The following SMYD3 variants were observed in gnomAD, a reference collection of about 807,000 sequenced individuals.
The protein encoded by SMYD3 is SET and MYND domain containing 3.
SMYD3 carries 36 observed loss-of-function variants against 57.7 expected under a neutral mutation model. The ratio of observed to expected loss-of-function variants is 0.62; its 90% CI spans 0.48 to 0.82. SMYD3 has a LOEUF of 0.82. SMYD3 is among the 40% of genes least tolerant of loss of function. The pLI is 0.00. For synonymous variants in SMYD3, 211 were observed against 195.0 expected (o/e 1.08, Z -0.68); for missense variants, 515 against 538.8 (o/e 0.96, Z 0.44).
intron 5 of SMYD3, among the ~76,000 whole-genome samples, chr1:246,322,615 A>G (rs895427845): frequency 7.9e-5 from 12 of 152,104 alleles, no homozygotes; most frequent in African/African-American, 2.9e-4. Context: ...TATCCTTTCA[A>G]CACCTTCATT....
chr1:245,763,925 C>T, intron 11 of SMYD3, 116 bp downstream of exon 11: 1 of 718,450 alleles, frequency 1.4e-6, no homozygotes. Flanking sequence ...ACACACTGGG[C>T]ATGCGTGTGT....
chr1:246,368,449 C>T (rs1270079263), intron 1 of SMYD3, among the ~76,000 whole-genome samples: 1 of 152,194 alleles, frequency 6.6e-6, no homozygotes, highest in Non-Finnish European at 1.5e-5. Flanking sequence ...CTGGGACCCA[C>T]AGAATCCACT....
At chr1:245,894,389 C>T (rs2053609279) in intron 8 of SMYD3, among the ~76,000 whole-genome samples, 1 of 152,124 alleles carries the variant, frequency 6.6e-6, no homozygotes, top group Admixed American at 6.5e-5. Context: ...TAAAACCTGG[C>T]CACCCCAACC....
chr1:246,497,736 G>C (rs560803688), intron 1 of SMYD3, among the ~76,000 whole-genome samples: 15 of 152,190 alleles, frequency 9.9e-5, no homozygotes, highest in African/African-American at 3.6e-4. Context: ...GCACGCCTGT[G>C]GTCTCAGCTG....
intron 8 of SMYD3, among the ~76,000 whole-genome samples, chr1:245,895,728 G>A (rs117716280): frequency 1.3e-5 from 2 of 152,334 alleles, no homozygotes; most frequent in South Asian, 2.1e-4. Context: ...GCATAGCCCA[G>A]GTGATGTACA....
intron 1 of SMYD3, among the ~76,000 whole-genome samples, chr1:246,382,159 C>A (rs1194553974): frequency 6.6e-6 from 1 of 151,762 alleles, no homozygotes. Flanking sequence ...CGGGCCAGTT[C>A]CTATAGCCCC....
chr1:245,757,269 T>C (rs1253162541), intron 11 of SMYD3, among the ~76,000 whole-genome samples: 1 of 152,140 alleles, frequency 6.6e-6, no homozygotes, highest in Non-Finnish European at 1.5e-5. Context: ...TATTTCACTT[T>C]GCATAATGCC....
rs150862443 is a variant in SMYD3 at position 246,117,748 on chromosome 1, C to T, written c.532-187811G>A. On this transcript the variant is annotated intron_variant, in intron 5 of 11. Transcript: ENST00000490107. ...TGTGCAGGTTTGTTACGTAGGTAAA[C>T]GTGTGCCATGGTGGTTTGCTGTGCC... Among the ~76,000 whole-genome samples, 1,208 of 152,294 alleles carry T rather than the reference C, an allele frequency of 7.9e-3. 13 individuals carry two copies. The highest frequency in any genetic ancestry group is 0.037 in the South Asian group (178 of 4,824).
At position 246,136,507 on chromosome 1, in the gene SMYD3, C is replaced by T. The variant is rs140956038; in HGVS notation, c.531+190694G>A. On this transcript the variant is annotated intron_variant, in intron 5 of 11. Coordinates refer to ENST00000490107, the MANE Select transcript of SMYD3 (RefSeq NM_001167740.2). ...ACTCTGTAATGGCAAAAGAAAGGTGCAAAAAAATGCAGGATAGAAGCAGGG... is the reference window on the plus strand; with the variant it reads ...ACTCTGTAATGGCAAAAGAAAGGTGTAAAAAAATGCAGGATAGAAGCAGGG... 1.3e-3 allele frequency among the ~76,000 whole-genome samples: 201 copies of T among 151,920 alleles called. 1 individual carries two copies. The highest frequency in any genetic ancestry group is 4.4e-3 in the African/African-American group (182 of 41,438).
rs374702064 is a variant in SMYD3, at chr1:246,307,503, T to C, written c.531+19698A>G. 8.4e-3 allele frequency among the ~76,000 whole-genome samples: 1,174 copies of C among 139,662 alleles called. 13 individuals carry two copies. The highest frequency in any genetic ancestry group is 0.028 in the African/African-American group (1,050 of 37,664). 91.6% of individuals were successfully genotyped at this position (139,662 alleles called of 152,430 possible). On this transcript the variant is annotated intron_variant, in intron 5 of 11. Coordinates refer to ENST00000490107, the MANE Select transcript of SMYD3 (RefSeq NM_001167740.2). ...GGCGTGATCTCGGCTCACTGCAAGC[T>C]CCGCCTCCCGGGTTCACGCCATTCT...
intron 5 of SMYD3, among the ~76,000 whole-genome samples, chr1:246,140,815 G>A (rs1406658726): frequency 6.6e-6 from 1 of 152,024 alleles, no homozygotes; most frequent in Non-Finnish European, 1.5e-5. Flanking sequence ...GGCTGCTCTT[G>A]AACTCCTGGC....
intron 11 of SMYD3, among the ~76,000 whole-genome samples, chr1:245,752,138 C>T (rs1047861073): frequency 2.0e-5 from 3 of 152,234 alleles, no homozygotes; most frequent in Non-Finnish European, 2.9e-5. Context: ...AATTTTCTTA[C>T]TTGAAAGCAC....
chr1:245,829,790 C>T (rs373064708), intron 10 of SMYD3, among the ~76,000 whole-genome samples: 33 of 151,938 alleles, frequency 2.2e-4, no homozygotes, highest in African/African-American at 7.7e-4. Flanking sequence ...TATTACTTGG[C>T]AAAAAAAGAA....
intron 1 of SMYD3, among the ~76,000 whole-genome samples, chr1:246,366,681 C>G (rs563301816): frequency 6.6e-6 from 1 of 151,826 alleles, no homozygotes; most frequent in Non-Finnish European, 1.5e-5. Context: ...CGGTAGCTCA[C>G]GCCTGTAATC....
At chr1:246,268,359 C>A (rs557625515) in intron 5 of SMYD3, among the ~76,000 whole-genome samples, 9 of 152,238 alleles carry the variant, frequency 5.9e-5, no homozygotes, top group African/African-American at 2.2e-4. Context: ...CCTATATGAT[C>A]TAAAAAGGGG....
intron 5 of SMYD3, among the ~76,000 whole-genome samples, chr1:246,173,300 A>G (rs554148700): frequency 1.2e-4 from 18 of 152,248 alleles, no homozygotes; most frequent in African/African-American, 4.3e-4. Flanking sequence ...TCAACACTAC[A>G]CACTTAGGCT....
At chr1:246,431,904 T>C (rs931321200) in intron 1 of SMYD3, among the ~76,000 whole-genome samples, 3 of 152,218 alleles carry the variant, frequency 2.0e-5, no homozygotes, top group African/African-American at 7.2e-5. Flanking sequence ...GAAAGAGCCA[T>C]GAAAAAACTC....
rs11433640 is a variant in SMYD3, at chr1:246,202,013, TA to T, written c.531+125187del. Reference sequence around the variant, plus strand: ...GGGCAACAGAGACTCTGTCTCAATTTAAAAAAAAAAAACAAAAAAAAGCCAT... The same window carrying T: ...GGGCAACAGAGACTCTGTCTCAATTTAAAAAAAAAAACAAAAAAAAGCCAT... On this transcript the variant is annotated intron_variant, in intron 5 of 11. Transcript: ENST00000490107. This position sits in a 1 kb window ranked among gnomAD's most constrained non-coding sequence, Gnocchi z 4.1. Among the ~76,000 whole-genome samples, 131 of 134,750 alleles carry T rather than the reference TA, an allele frequency of 9.7e-4. 1 individual carries two copies. Among genetic ancestry groups the T allele is most frequent in the Admixed American group, 5.9e-3 (79 of 13,440 alleles). The allele number at this position is 134,750 out of a possible 152,430, so 88.4% of individuals were successfully genotyped here.
At chr1:245,836,338 C>T (rs2050105305) in intron 10 of SMYD3, among the ~76,000 whole-genome samples, 2 of 152,194 alleles carry the variant, frequency 1.3e-5, no homozygotes, top group South Asian at 2.1e-4. Flanking sequence ...GTGCTCCCCT[C>T]GCATAGCCAC....
Sources: gnomAD v4.1 joint callset for allele counts (sites outside exome capture counted in the v4.1 genomes callset) on GRCh38, gnomAD v4.1.1 for gene constraint, Gnocchi (gnomAD v3.1) non-coding constraint, MANE v1.5 for transcripts, NCBI Gene and HGNC (gene_info 2026-07-23, HGNC 2026-07-21) for gene names.